SH3GL2: variants seen among roughly 807,000 people sequenced by gnomAD.
The protein encoded by SH3GL2 is SH3 domain containing GRB2 like 2, endophilin A1.
SH3GL2 carries 24 observed loss-of-function variants against 46.0 expected under a neutral mutation model. The observed-to-expected ratio is 0.52, with a 90% CI of 0.38 to 0.73. The LOEUF (loss-of-function observed/expected upper bound fraction) is 0.73, where lower values mean the gene tolerates loss of function less well. Among genes scored for constraint, SH3GL2 ranks in the 30% least tolerant of loss-of-function variants. The pLI, the probability that SH3GL2 is intolerant of heterozygous loss-of-function variation, is 0.00. For missense variants in SH3GL2, 413 were observed against 424.2 expected, an observed-to-expected ratio of 0.97 and a Z score of 0.23; for synonymous variants, 196 against 147.1, an observed-to-expected ratio of 1.33 and a Z score of -2.40.
intron 1 of SH3GL2, among the ~76,000 whole-genome samples, chr9:17,726,844 C>A (rs1310701235): frequency 1.3e-5 from 2 of 152,206 alleles, no homozygotes; most frequent in East Asian, 3.9e-4. Flanking sequence ...TTTTGGTAAA[C>A]TGCAGATAGG....
chr9:17,792,612 G>A (rs1303924171), intron 7 of SH3GL2, among the ~76,000 whole-genome samples: 2 of 152,026 alleles, frequency 1.3e-5, no homozygotes, highest in Non-Finnish European at 2.9e-5. Flanking sequence ...TCTTCTAAGA[G>A]CACACAGTAT....
At chr9:17,733,957 C>G (rs1185885446) in intron 1 of SH3GL2, among the ~76,000 whole-genome samples, 3 of 152,004 alleles carry the variant, frequency 2.0e-5, no homozygotes, top group Non-Finnish European at 4.4e-5. Flanking sequence ...CTTACTTAAC[C>G]TCTGCTTGCC....
At chr9:17,746,934 A>T (rs1588297189) in intron 1 of SH3GL2, 132 bp from the exon 2 acceptor site, 1 of 624,190 alleles carries the variant, frequency 1.6e-6, no homozygotes, top group East Asian at 2.8e-5. Context: ...TATAAAAATG[A>T]GACTCTCCAC....
intron 1 of SH3GL2, among the ~76,000 whole-genome samples, chr9:17,609,883 C>T (rs1818828259): frequency 6.6e-6 from 1 of 152,142 alleles, no homozygotes; most frequent in Non-Finnish European, 1.5e-5. Context: ...CACACCACAC[C>T]TGGGCTCTCA....
At chr9:17,775,296 G>A (rs886406159) in intron 3 of SH3GL2, among the ~76,000 whole-genome samples, 26 of 152,230 alleles carry the variant, frequency 1.7e-4, no homozygotes, top group African/African-American at 5.8e-4. Flanking sequence ...GAAGGGGCAA[G>A]TGTATTTTTA....
Position 17,795,551 on chromosome 9 carries a change from A to G in SH3GL2, c.867A>G (p.Gln289=). The G allele has an allele frequency of 6.2e-7, 1 of 1,613,796 alleles. No individual in the cohort carries two copies. Among genetic ancestry groups the G allele is most frequent in the Non-Finnish European group, 8.5e-7 (1 of 1,179,756 alleles). ...TCCTGCTCTTACTCCCAGGTGTCCA[A>G]ATGGATCAGCCCTGCTGCCGAGCTC... ...HTGTPKPSGV[Q]MDQPCCRALY... The change falls in exon 9 of 9, where the codon CAA becomes CAG. Residue 289 remains glutamine, a synonymous_variant. Coordinates refer to ENST00000380607, the MANE Select transcript of SH3GL2 (RefSeq NM_003026.5).
chr9:17,705,806 A>G (rs1821456738), intron 1 of SH3GL2, among the ~76,000 whole-genome samples: 1 of 151,934 alleles, frequency 6.6e-6, no homozygotes, highest in Non-Finnish European at 1.5e-5. Context: ...ACTCGAGGGT[A>G]GAGAGTGGGA....
chr9:17,587,030 C>T (rs570802450), intron 1 of SH3GL2, among the ~76,000 whole-genome samples: 33 of 152,170 alleles, frequency 2.2e-4, no homozygotes, highest in Admixed American at 3.9e-4. Flanking sequence ...GGCAAAACCT[C>T]GTCTCTACTA....
intron 1 of SH3GL2, among the ~76,000 whole-genome samples, chr9:17,596,988 C>G (rs919694281): frequency 6.6e-6 from 1 of 152,252 alleles, no homozygotes; most frequent in Non-Finnish European, 1.5e-5. Context: ...GCTTCGACCT[C>G]TGAGATAAAT....
intron 8 of SH3GL2, 43 bp from the exon 9 acceptor site, chr9:17,795,501 T>C (rs748405194): frequency 2.0e-6 from 3 of 1,534,066 alleles, no homozygotes; most frequent in Non-Finnish European, 1.8e-6. Flanking sequence ...AAATACCCCT[T>C]ATCCTTTTGT....
At chr9:17,584,004 G>A (rs1042229013) in intron 1 of SH3GL2, among the ~76,000 whole-genome samples, 2 of 152,040 alleles carry the variant, frequency 1.3e-5, no homozygotes, top group Non-Finnish European at 2.9e-5. Context: ...TCTTGGCTGT[G>A]GCTTGTTGCT....
At chr9:17,657,709 A>G (rs73645116) in intron 1 of SH3GL2, among the ~76,000 whole-genome samples, 3,826 of 140,324 alleles carry the variant, frequency 0.027, 66 homozygotes, top group South Asian at 0.039. Flanking sequence ...TCACCTCCCT[A>G]TGCTCTGGAT....
chr9:17,735,782 A>C (rs1336659896), intron 1 of SH3GL2: 1 of 970,598 alleles, frequency 1.0e-6, no homozygotes, highest in Non-Finnish European at 1.2e-6. Flanking sequence ...CATGGAAAGC[A>C]TAATAGGAAA....
chr9:17,616,627 A>G (rs538718870), intron 1 of SH3GL2, among the ~76,000 whole-genome samples: 1 of 152,298 alleles, frequency 6.6e-6, no homozygotes, highest in African/African-American at 2.4e-5. Flanking sequence ...GAAATCATGC[A>G]GGGGAACAAA....
chr9:17,654,372 T>G (rs1436257928), intron 1 of SH3GL2, among the ~76,000 whole-genome samples: 1 of 152,162 alleles, frequency 6.6e-6, no homozygotes, highest in Non-Finnish European at 1.5e-5. Flanking sequence ...GGGATTGTCG[T>G]ATTGTTTTGT....
At chr9:17,747,560 G>A (rs181127448) in intron 2 of SH3GL2, among the ~76,000 whole-genome samples, 131 of 152,322 alleles carry the variant, frequency 8.6e-4, no homozygotes, top group Middle Eastern at 6.8e-3. Context: ...GCCATGTATA[G>A]TGGAGAGAAT....
intron 1 of SH3GL2, among the ~76,000 whole-genome samples, chr9:17,649,412 T>G (rs1416405479): frequency 6.6e-6 from 1 of 152,212 alleles, no homozygotes; most frequent in Non-Finnish European, 1.5e-5. Flanking sequence ...GTGTTCTGAA[T>G]TAAACCACTC....
intron 1 of SH3GL2, among the ~76,000 whole-genome samples, chr9:17,679,536 G>C (rs1468940558): frequency 1.3e-5 from 2 of 152,090 alleles, no homozygotes. Flanking sequence ...GGGCTGAGGC[G>C]ATGGGGTTTT....
chr9:17,768,320 A>G (rs1461991782), intron 3 of SH3GL2, among the ~76,000 whole-genome samples: 1 of 144,414 alleles, frequency 6.9e-6, no homozygotes, highest in Non-Finnish European at 1.5e-5. Context: ...GCAGTGAGCC[A>G]GGATCATGCC....
Sources: gnomAD v4.1 joint callset for allele counts (sites outside exome capture counted in the v4.1 genomes callset) on GRCh38, gnomAD v4.1.1 for gene constraint, MANE v1.5 for transcripts, NCBI Gene and HGNC (gene_info 2026-07-23, HGNC 2026-07-21) for gene names.